Variants in DOCK10 observed in about 807,000 individuals in gnomAD.
The protein encoded by DOCK10 is dedicator of cytokinesis 10, also known as dedicator of cytokinesis protein 10.
Under a neutral mutation model 280.1 loss-of-function variants are expected in DOCK10, and 145 were observed. The observed-to-expected ratio is 0.52, with a 90% CI of 0.45 to 0.59. DOCK10 has a LOEUF of 0.59. Ranked by LOEUF, DOCK10 falls within the 20% of genes least tolerant of loss-of-function variation. The pLI, the probability that DOCK10 is intolerant of heterozygous loss-of-function variation, is 0.00. For missense variants in DOCK10, 2,368 were observed against 2,651.7 expected (o/e 0.89, Z 2.35); for synonymous variants, 915 against 942.2 (o/e 0.97, Z 0.53).
chr2:224,922,188 C>A (rs11692992), intron 2 of DOCK10, among the ~76,000 whole-genome samples: 44,000 of 149,874 alleles, frequency 0.29, 7,051 homozygotes, highest in Middle Eastern at 0.36. Flanking sequence ...TGTGGCACTT[C>A]TTCTCATTTT....
intron 29 of DOCK10, among the ~76,000 whole-genome samples, chr2:224,817,139 A>T (rs1208998428): frequency 6.6e-6 from 1 of 152,258 alleles, no homozygotes; most frequent in Non-Finnish European, 1.5e-5. Context: ...TAAGGAAGAC[A>T]ATGGTGTGTA....
In DOCK10 at chr2:225,042,208, C is replaced by G; in HGVS notation, c.123+44G>C. 2 of 1,233,764 alleles carry G rather than the reference C, an allele frequency of 1.6e-6. No homozygotes were observed. Among genetic ancestry groups the G allele is most frequent in the Admixed American group, 8.6e-5 (2 of 23,212 alleles). 76.4% of individuals were successfully genotyped at this position (1,233,764 alleles called of 1,614,324 possible). A position where few individuals can be genotyped will look rare whatever the true frequency, so the allele number is the denominator to read the frequency against. On this transcript the variant is annotated intron_variant, in intron 1 of 55. Coordinates refer to ENST00000258390, the MANE Select transcript of DOCK10 (RefSeq NM_014689.3). This position sits in a 1 kb window ranked among gnomAD's most constrained non-coding sequence, Gnocchi z 5.1. ...GAAGCTGGGCTCCGTTCCCCCCGGG[C>G]GCCTGGGGCGCGCGGGAAGGCGCGG... is the stretch of plus-strand genomic sequence containing the variant.
rs1406687613 is a variant in DOCK10 at position 225,042,449 on chromosome 2, C to T, written c.-75G>A. On this transcript the variant is annotated 5_prime_UTR_variant, in exon 1 of 56. Coordinates refer to ENST00000258390, the MANE Select transcript of DOCK10 (RefSeq NM_014689.3). The surrounding 1 kb of genome is among the most constrained non-coding windows in gnomAD (Gnocchi z 5.1). ...TCTTCCCCGCGCCAACCTTCTCTATCCACCCGCCGTTCAGGAAGCGGAACT... is the reference window on the plus strand; with the variant it reads ...TCTTCCCCGCGCCAACCTTCTCTATTCACCCGCCGTTCAGGAAGCGGAACT... 2.5e-6 allele frequency: 3 copies of T among 1,221,742 alleles called. No individual in the cohort carries two copies. Among genetic ancestry groups the T allele is most frequent in the Non-Finnish European group, 3.1e-6 (3 of 979,348 alleles). The allele number at this position is 1,221,742 out of a possible 1,614,324, so 75.7% of individuals were successfully genotyped here.
intron 14 of DOCK10, chr2:224,860,539 T>C (rs1159431962): frequency 1.3e-5 from 2 of 152,130 alleles, no homozygotes; most frequent in African/African-American, 2.4e-5. Context: ...CCAAGCTCAC[T>C]TGGCTAATAA....
intron 1 of DOCK10, among the ~76,000 whole-genome samples, chr2:224,973,790 A>G (rs1049618096): frequency 6.6e-6 from 1 of 152,168 alleles, no homozygotes; most frequent in Non-Finnish European, 1.5e-5. Context: ...CAGAATTTAA[A>G]TAGCTGACCC....
intron 40 of DOCK10, among the ~76,000 whole-genome samples, chr2:224,800,509 TA>T (rs762193197): frequency 6.6e-6 from 1 of 152,188 alleles, no homozygotes; most frequent in Non-Finnish European, 1.5e-5. Context: ...TCTTTTCCGT[TA>T]ATTTGGCCAA....
At chr2:225,008,322 G>T (rs1190066648) in intron 1 of DOCK10, among the ~76,000 whole-genome samples, 1 of 152,182 alleles carries the variant, frequency 6.6e-6, no homozygotes, top group East Asian at 1.9e-4. Flanking sequence ...CATTTCTTGA[G>T]TGAAGACTCT....
At position 224,804,180 on chromosome 2, in the gene DOCK10, G is replaced by A; in HGVS notation, c.4200C>T (p.Ser1400=). 4 of 1,611,068 alleles carry A rather than the reference G, an allele frequency of 2.5e-6. No homozygotes were observed. The highest frequency in any genetic ancestry group is 3.4e-6 in the Non-Finnish European group (4 of 1,178,306). Residue 1400 remains serine, a synonymous_variant, in exon 39 of 56, where the codon TCC becomes TCT. Coordinates refer to ENST00000258390, the MANE Select transcript of DOCK10 (RefSeq NM_014689.3). ...CTTTGAGAGTTCCATTGTTCTGGGT[G>A]GACTGCACAAATTTAAATGCAGCAG... ...KIAAAFKFVQ[S]TQNNGTLKGS...
intron 7 of DOCK10, among the ~76,000 whole-genome samples, chr2:224,882,804 T>A (rs954278755): frequency 2.0e-5 from 3 of 152,228 alleles, no homozygotes; most frequent in African/African-American, 7.2e-5. Context: ...TCAGGCACAT[T>A]TCATGCCTGA....
In DOCK10 at chr2:224,770,703, C is replaced by T. The variant is rs543390552; in HGVS notation, c.6205-58G>A. 119 of 1,294,846 alleles carry T rather than the reference C, an allele frequency of 9.2e-5. 1 individual carries two copies. In the East Asian group the frequency reaches 1.4e-3, roughly 15 times the overall value. 80.2% of individuals were successfully genotyped at this position (1,294,846 alleles called of 1,614,324 possible). On this transcript the variant is annotated intron_variant, in intron 53 of 55. Coordinates refer to ENST00000258390, the MANE Select transcript of DOCK10 (RefSeq NM_014689.3). The surrounding 1 kb of genome is among the most constrained non-coding windows in gnomAD (Gnocchi z 4.5). Reference sequence around the variant, plus strand: ...ACCTTCTGCATGGAGTCTTTTCCACCGCTGGAAGAGGAGCAACTGTGCACC... The same window carrying T: ...ACCTTCTGCATGGAGTCTTTTCCACTGCTGGAAGAGGAGCAACTGTGCACC...
At chr2:224,781,233 T>G (rs564895150) in intron 50 of DOCK10, among the ~76,000 whole-genome samples, 1 of 152,334 alleles carries the variant, frequency 6.6e-6, no homozygotes, top group South Asian at 2.1e-4. Context: ...GTTTTTCTTA[T>G]TATAAAAGGT....
Position 224,854,948 on chromosome 2 carries a change from A to C in DOCK10, c.1888+15T>G. On this transcript the variant is annotated intron_variant, in intron 16 of 55. Coordinates refer to ENST00000258390, the MANE Select transcript of DOCK10 (RefSeq NM_014689.3). Reference sequence around the variant, plus strand: ...TTCAAAACTCTGCAACCAAACCATGACATCATCATCATACTTGGATGCTCC... The same window carrying C: ...TTCAAAACTCTGCAACCAAACCATGCCATCATCATCATACTTGGATGCTCC... 6.3e-7 allele frequency: 1 copy of C among 1,589,376 alleles called. No homozygotes were observed. Among genetic ancestry groups the C allele is most frequent in the South Asian group, 1.1e-5 (1 of 88,352 alleles).
intron 2 of DOCK10, among the ~76,000 whole-genome samples, chr2:224,923,674 C>T (rs1575065804): frequency 1.3e-5 from 2 of 152,218 alleles, no homozygotes; most frequent in South Asian, 2.1e-4. Flanking sequence ...CCTGGCTGCC[C>T]GCATTTCTCC....
intron 1 of DOCK10, among the ~76,000 whole-genome samples, chr2:225,018,390 C>T (rs571211603): frequency 6.6e-6 from 1 of 150,974 alleles, no homozygotes; most frequent in Admixed American, 6.6e-5. Context: ...AACTATTGCT[C>T]TCTTCCTAGG....
intron 7 of DOCK10, 129 bp downstream of exon 7, chr2:224,885,542 C>T: frequency 1.1e-6 from 1 of 933,662 alleles, no homozygotes; most frequent in Non-Finnish European, 1.5e-6. Context: ...ATCCAGGCTG[C>T]CTTGTTTTTC....
chr2:224,839,084 C>CT (rs67901319), intron 24 of DOCK10, among the ~76,000 whole-genome samples: 34,385 of 150,212 alleles, frequency 0.23, 7,138 homozygotes, highest in African/African-American at 0.56. Flanking sequence ...GTTCATAGCA[C>CT]TTCTTTTTTT....
chr2:224,872,814 T>A (rs1698371748), intron 11 of DOCK10, among the ~76,000 whole-genome samples: 1 of 152,136 alleles, frequency 6.6e-6, no homozygotes, highest in Non-Finnish European at 1.5e-5. Context: ...AATTGAGGGA[T>A]GATGGATTAG....
intron 1 of DOCK10, among the ~76,000 whole-genome samples, chr2:225,017,476 C>A (rs1441462791): frequency 6.7e-6 from 1 of 149,818 alleles, no homozygotes; most frequent in East Asian, 2.0e-4. Context: ...CTGAAAGAGA[C>A]CAAGAGAGAC....
At chr2:225,038,671 T>C (rs1690331880) in intron 1 of DOCK10, among the ~76,000 whole-genome samples, 1 of 152,062 alleles carries the variant, frequency 6.6e-6, no homozygotes, top group Admixed American at 6.5e-5. Context: ...TAAAAAGGAG[T>C]TGCAAAGGAG....
Sources: allele counts gnomAD v4.1 joint callset (sites outside exome capture counted in the v4.1 genomes callset), GRCh38; gene constraint gnomAD v4.1.1; non-coding constraint Gnocchi (gnomAD v3.1); transcripts MANE v1.5; gene names NCBI Gene and HGNC (gene_info 2026-07-23, HGNC 2026-07-21).